Variants in PAX3 observed in about 807,000 individuals in gnomAD.
PAX3 encodes paired box 3.
A neutral mutation model predicts 51.6 loss-of-function variants in PAX3; 14 were observed. The ratio of observed to expected loss-of-function variants is 0.27; its 90% CI spans 0.18 to 0.42. The LOEUF is 0.42. Ranked by LOEUF, PAX3 falls within the 10% of genes least tolerant of loss-of-function variation. The probability of loss-of-function intolerance (pLI) is 1.00; values close to 1 mark genes in which losing one functional copy is unlikely to be tolerated. For missense variants in PAX3, 540 were observed against 642.8 expected, an observed-to-expected ratio of 0.84 and a Z score of 1.73; for synonymous variants, 280 against 253.4, an observed-to-expected ratio of 1.11 and a Z score of -1.00.
intron 4 of PAX3, among the ~76,000 whole-genome samples, chr2:222,256,461 A>T (rs1446711572): frequency 6.6e-6 from 1 of 151,322 alleles, no homozygotes; most frequent in Non-Finnish European, 1.5e-5. Context: ...GCACTTCCTG[A>T]TCCTTCCCTC....
At chr2:222,234,444 A>G (rs16863542) in intron 4 of PAX3, among the ~76,000 whole-genome samples, 24,932 of 152,140 alleles carry the variant, frequency 0.16, 3,582 homozygotes, top group East Asian at 0.59. Flanking sequence ...AAAGCTCCCA[A>G]TGCAACTTAT....
At chr2:222,222,130 T>C (rs1692218483) in intron 5 of PAX3, among the ~76,000 whole-genome samples, 1 of 152,108 alleles carries the variant, frequency 6.6e-6, no homozygotes, top group African/African-American at 2.4e-5. Context: ...TAAAATGCCC[T>C]CAAATAATTC....
chr2:222,264,323 T>C (rs1228545705), intron 4 of PAX3: 1 of 152,224 alleles, frequency 6.6e-6, no homozygotes, highest in Admixed American at 6.5e-5. Context: ...AGTCTATTTT[T>C]GTGAAATAAC....
At chr2:222,276,135 G>A (rs1694412728) in intron 4 of PAX3, among the ~76,000 whole-genome samples, 1 of 152,200 alleles carries the variant, frequency 6.6e-6, no homozygotes, top group African/African-American at 2.4e-5. Context: ...AAGAGGGAAT[G>A]TCACCCTCCT....
rs536934082 is a variant in PAX3 at position 222,281,068 on chromosome 2, A to G, written c.586+13099T>C. ...TGTGTCATGTACACACGTGCCCCAG[A>G]TGTGCCCTGTCTGCATAAAAGCCAA... On this transcript the variant is annotated intron_variant, in intron 4 of 8. Coordinates refer to ENST00000392070, the MANE Select transcript of PAX3 (RefSeq NM_181458.4). Among the ~76,000 whole-genome samples, 15 of 152,340 alleles carry G rather than the reference A, an allele frequency of 9.8e-5. No individual in the cohort carries two copies. In the South Asian group the frequency reaches 3.1e-3, roughly 32 times the overall value.
intron 3 of PAX3, among the ~76,000 whole-genome samples, chr2:222,295,322 C>T (rs978953063): frequency 2.0e-5 from 3 of 152,238 alleles, no homozygotes; most frequent in African/African-American, 4.8e-5. Context: ...GCGGTGGTCT[C>T]GCCACCCTCC....
intron 5 of PAX3, among the ~76,000 whole-genome samples, chr2:222,227,962 C>T (rs1185594035): frequency 6.6e-6 from 1 of 152,056 alleles, no homozygotes; most frequent in Non-Finnish European, 1.5e-5. Flanking sequence ...GAAATGTAGA[C>T]ATGATTTGGG....
At chr2:222,246,585 G>GTGGA (rs370233011) in intron 4 of PAX3, among the ~76,000 whole-genome samples, 167 of 152,050 alleles carry the variant, frequency 1.1e-3, no homozygotes, top group African/African-American at 3.4e-3. Flanking sequence ...AGATGGATGG[G>GTGGA]TGGATGGATG....
At chr2:222,219,434 A>G (rs984408469) in intron 7 of PAX3, among the ~76,000 whole-genome samples, 1 of 152,264 alleles carries the variant, frequency 6.6e-6, no homozygotes, top group Non-Finnish European at 1.5e-5. Context: ...AACCTCAGAC[A>G]GATGCCACAT....
intron 7 of PAX3, among the ~76,000 whole-genome samples, chr2:222,208,468 T>C (rs1008188507): frequency 1.3e-5 from 2 of 152,144 alleles, no homozygotes; most frequent in African/African-American, 4.8e-5. Context: ...AGAAGCTCTG[T>C]CCAGGGAATC....
chr2:222,223,696 T>C (rs7608595), intron 5 of PAX3, among the ~76,000 whole-genome samples: 66,236 of 152,118 alleles, frequency 0.44, 16,516 homozygotes, highest in Non-Finnish European at 0.57. Context: ...AGACCAGCGA[T>C]GTACAGTGCA....
At chr2:222,246,420 T>C (rs1257098989) in intron 4 of PAX3, among the ~76,000 whole-genome samples, 1 of 152,214 alleles carries the variant, frequency 6.6e-6, no homozygotes, top group East Asian at 1.9e-4. Flanking sequence ...GAGCAAAATA[T>C]GTTTCTTATT....
At chr2:222,243,557 A>G (rs1163124512) in intron 4 of PAX3, among the ~76,000 whole-genome samples, 1 of 152,250 alleles carries the variant, frequency 6.6e-6, no homozygotes, top group Non-Finnish European at 1.5e-5. Context: ...GCCCTGTGGC[A>G]ACAGAAAGAT....
Position 222,199,890 on chromosome 2 carries a change from GT to G in PAX3, c.*1517del, listed in dbSNP as rs1456963773. On this transcript the variant is annotated 3_prime_UTR_variant, in exon 9 of 9. Transcript: ENST00000392070. ...CCCCCAAAAAAGCAGTAGTGGGCAA[GT>G]TTTCATAACTGTTTATTCATTATAA... The G allele has an allele frequency of 5.6e-6, 1 of 179,198 alleles. No individual in the cohort carries two copies. Among genetic ancestry groups the G allele is most frequent in the Non-Finnish European group, 1.2e-5 (1 of 83,376 alleles). The allele number at this position is 179,198 out of a possible 1,614,324, so 11.1% of individuals were successfully genotyped here.
At chr2:222,226,207 T>G (rs1318208501) in intron 5 of PAX3, among the ~76,000 whole-genome samples, 1 of 152,236 alleles carries the variant, frequency 6.6e-6, no homozygotes, top group Non-Finnish European at 1.5e-5. Flanking sequence ...GGTTAAATAC[T>G]AGACTCAGGA....
chr2:222,239,582 T>G (rs1692930534), intron 4 of PAX3, among the ~76,000 whole-genome samples: 1 of 152,122 alleles, frequency 6.6e-6, no homozygotes, highest in African/African-American at 2.4e-5. Context: ...GAACTGTACA[T>G]TGTGTAACTA....
At chr2:222,225,413 G>GA (rs1489878359) in intron 5 of PAX3, among the ~76,000 whole-genome samples, 10 of 151,836 alleles carry the variant, frequency 6.6e-5, no homozygotes, top group South Asian at 2.1e-4. Context: ...TGATAACTAG[G>GA]AAAAAAAGAT....
chr2:222,254,663 A>G (rs1693568480), intron 4 of PAX3, among the ~76,000 whole-genome samples: 1 of 152,242 alleles, frequency 6.6e-6, no homozygotes, highest in Non-Finnish European at 1.5e-5. Flanking sequence ...TGATTATTTC[A>G]TATTGTTTAA....
At chr2:222,222,147 CA>C (rs1692219115) in intron 5 of PAX3, among the ~76,000 whole-genome samples, 1 of 152,082 alleles carries the variant, frequency 6.6e-6, no homozygotes, top group Admixed American at 6.6e-5. Flanking sequence ...ATTCAAAGCC[CA>C]AGTATTTTGT....
Sources: allele counts gnomAD v4.1 joint callset (sites outside exome capture counted in the v4.1 genomes callset), GRCh38; gene constraint gnomAD v4.1.1; transcripts MANE v1.5; gene names NCBI Gene and HGNC (gene_info 2026-07-23, HGNC 2026-07-21).